Variants in KIF26B observed in about 807,000 individuals in gnomAD.
The protein encoded by KIF26B is kinesin family member 26B.
In KIF26B, 63 loss-of-function variants were observed where a neutral mutation model predicts 151.2. The observed-to-expected ratio is 0.42, with a 90% CI of 0.34 to 0.51. KIF26B has a LOEUF of 0.51. Ranked by LOEUF, KIF26B falls within the 20% of genes least tolerant of loss-of-function variation. The pLI, the probability that KIF26B is intolerant of heterozygous loss-of-function variation, is 0.07. For missense variants in KIF26B, 2,813 were observed against 2,913.6 expected, an observed-to-expected ratio of 0.97 and a Z score of 0.79; for synonymous variants, 1,357 against 1,262.1, an observed-to-expected ratio of 1.08 and a Z score of -1.59.
intron 2 of KIF26B, among the ~76,000 whole-genome samples, chr1:245,163,901 G>T (rs1205641049): frequency 1.3e-5 from 2 of 151,832 alleles, no homozygotes; most frequent in Non-Finnish European, 2.9e-5. Context: ...TGGTACTCTT[G>T]GATTTTCAAA....
At chr1:245,537,379 A>G (rs951284732) in intron 4 of KIF26B, among the ~76,000 whole-genome samples, 1 of 152,204 alleles carries the variant, frequency 6.6e-6, no homozygotes, top group Non-Finnish European at 1.5e-5. Context: ...TTTATAGGCC[A>G]CTGCAAGTAC....
chr1:245,292,553 T>A (rs766254290), intron 2 of KIF26B, among the ~76,000 whole-genome samples: 4 of 152,186 alleles, frequency 2.6e-5, no homozygotes, highest in Non-Finnish European at 5.9e-5. Context: ...TTCCCCCCAT[T>A]GGGTACTATT....
At chr1:245,547,142 A>T (rs1661762507) in intron 5 of KIF26B, among the ~76,000 whole-genome samples, 1 of 152,236 alleles carries the variant, frequency 6.6e-6, no homozygotes, top group Non-Finnish European at 1.5e-5. Context: ...TCTGGGGCAA[A>T]CCTGAAAGAC....
At chr1:245,418,998 A>G (rs1359953289) in intron 3 of KIF26B, among the ~76,000 whole-genome samples, 1 of 152,176 alleles carries the variant, frequency 6.6e-6, no homozygotes, top group African/African-American at 2.4e-5. Context: ...AATGATCTGA[A>G]CCCTTCAAAA....
At chr1:245,439,629 C>G (rs1438913631) in intron 4 of KIF26B, among the ~76,000 whole-genome samples, 1 of 152,132 alleles carries the variant, frequency 6.6e-6, no homozygotes, top group Non-Finnish European at 1.5e-5. Flanking sequence ...AATAAAAAAT[C>G]ATCAAAGTAG....
intron 4 of KIF26B, among the ~76,000 whole-genome samples, chr1:245,536,170 G>A (rs1661484714): frequency 6.6e-6 from 1 of 152,118 alleles, no homozygotes; most frequent in African/African-American, 2.4e-5. Context: ...TTAAATGGGG[G>A]TAATATTGTT....
intron 6 of KIF26B, among the ~76,000 whole-genome samples, chr1:245,604,885 G>A (rs1044512502): frequency 6.6e-6 from 1 of 152,120 alleles, no homozygotes; most frequent in African/African-American, 2.4e-5. Context: ...GAATTCAGTG[G>A]GGTAGGAAGA....
At chr1:245,571,181 G>C (rs1044665290) in intron 5 of KIF26B, among the ~76,000 whole-genome samples, 1 of 152,188 alleles carries the variant, frequency 6.6e-6, no homozygotes, top group African/African-American at 2.4e-5. Flanking sequence ...AGTACCCCTT[G>C]TGTGGAAAGC....
At chr1:245,247,209 G>T (rs1052220878) in intron 2 of KIF26B, among the ~76,000 whole-genome samples, 1 of 151,810 alleles carries the variant, frequency 6.6e-6, no homozygotes, top group Non-Finnish European at 1.5e-5. Context: ...CCAGCACTTT[G>T]GGAGGCCAAG....
intron 2 of KIF26B, among the ~76,000 whole-genome samples, chr1:245,202,398 T>C (rs1203497983): frequency 6.6e-6 from 1 of 152,124 alleles, no homozygotes; most frequent in Non-Finnish European, 1.5e-5. Context: ...GTTCACATCC[T>C]GATCTACCGG....
intron 4 of KIF26B, among the ~76,000 whole-genome samples, chr1:245,537,134 C>T (rs1042504447): frequency 2.0e-5 from 3 of 152,180 alleles, no homozygotes; most frequent in Admixed American, 6.5e-5. Flanking sequence ...GGTAGGTTCA[C>T]GGATAAGGTA....
chr1:245,660,894 C>T (rs1472044346), intron 10 of KIF26B, among the ~76,000 whole-genome samples: 1 of 152,096 alleles, frequency 6.6e-6, no homozygotes, highest in African/African-American at 2.4e-5. Flanking sequence ...TGGCTCACTG[C>T]AGCCTTGACC....
At chr1:245,178,335 G>A (rs189756057) in intron 2 of KIF26B, among the ~76,000 whole-genome samples, 9 of 152,152 alleles carry the variant, frequency 5.9e-5, no homozygotes, top group Non-Finnish European at 1.3e-4. Flanking sequence ...TAAGAGGAGC[G>A]GTGTCTTTTG....
chr1:245,531,879 T>C (rs112824041), intron 4 of KIF26B, among the ~76,000 whole-genome samples: 11 of 152,264 alleles, frequency 7.2e-5, no homozygotes, highest in African/African-American at 2.6e-4. Flanking sequence ...AGAGGATCAC[T>C]CGAGGCGAGG....
At chr1:245,403,165 G>T (rs1164198303) in intron 3 of KIF26B, among the ~76,000 whole-genome samples, 1 of 151,796 alleles carries the variant, frequency 6.6e-6, no homozygotes, top group African/African-American at 2.4e-5. Flanking sequence ...TAGAGATGGG[G>T]TCTTGCTATG....
chr1:245,200,816 G>T lies in KIF26B; in HGVS notation c.465+44133G>T, dbSNP rs563724140. 5.3e-5 allele frequency among the ~76,000 whole-genome samples: 8 copies of T among 152,274 alleles called. No homozygotes were observed. In the East Asian group the frequency reaches 1.3e-3, roughly 26 times the overall value. ...AGGCAGGGCTGATTGAGGGTATAGGGTTTTTCAAACGTTCTTAAAATCACA... is the reference window on the plus strand; with the variant it reads ...AGGCAGGGCTGATTGAGGGTATAGGTTTTTTCAAACGTTCTTAAAATCACA... On this transcript the variant is annotated intron_variant, in intron 2 of 14. Coordinates refer to ENST00000407071, the MANE Select transcript of KIF26B (RefSeq NM_018012.4).
chr1:245,616,355 G>A (rs1014256507), intron 9 of KIF26B, among the ~76,000 whole-genome samples: 3 of 152,140 alleles, frequency 2.0e-5, no homozygotes, highest in Non-Finnish European at 4.4e-5. Context: ...GAGCCTCCTC[G>A]GGAATCCCAG....
intron 5 of KIF26B, among the ~76,000 whole-genome samples, chr1:245,543,216 C>T (rs1043388421): frequency 2.6e-5 from 4 of 152,092 alleles, no homozygotes; most frequent in Admixed American, 2.0e-4. Flanking sequence ...GGGACCAAAA[C>T]AGCAGAAAGA....
chr1:245,550,026 G>A (rs1051225795), intron 5 of KIF26B, among the ~76,000 whole-genome samples: 2 of 152,144 alleles, frequency 1.3e-5, no homozygotes, highest in African/African-American at 2.4e-5. Flanking sequence ...TGATCCGCCC[G>A]CCTCGGCTTC....
Sources: allele counts gnomAD v4.1 joint callset (sites outside exome capture counted in the v4.1 genomes callset), GRCh38; gene constraint gnomAD v4.1.1; transcripts MANE v1.5; gene names NCBI Gene and HGNC (gene_info 2026-07-23, HGNC 2026-07-21).